The following CFAP53 variants were observed in gnomAD, a reference collection of about 807,000 sequenced individuals.
CFAP53 encodes cilia- and flagella-associated protein 53.
In CFAP53, 62 loss-of-function variants were observed where a neutral mutation model predicts 59.7. The ratio of observed to expected loss-of-function variants is 1.04; its 90% CI spans 0.85 to 1.28. The LOEUF is 1.28. Ranked by LOEUF, CFAP53 falls within the 50% of genes most tolerant of loss-of-function variation. The probability of loss-of-function intolerance (pLI) is 0.00; values close to 1 mark genes in which losing one functional copy is unlikely to be tolerated. For missense variants in CFAP53, 629 were observed against 615.6 expected (o/e 1.02, Z -0.23); for synonymous variants, 218 against 205.7 (o/e 1.06, Z -0.51).
Position 50,251,664 on chromosome 18 carries a change from C to T in CFAP53, c.594G>A (p.Glu198=). ...EELSRQKLVE[E]QMFSKLWEED... ...CCTCCCAGAGTTTGGAGAACATCTG[C>T]TCTTCCACCAGCTTTTGCCTGCTCA... Residue 198 remains glutamate, a synonymous_variant, in exon 4 of 8, where the codon GAG becomes GAA. Transcript: ENST00000398545. 2 of 1,614,248 alleles carry T rather than the reference C, an allele frequency of 1.2e-6. No individual in the cohort carries two copies. The highest frequency in any genetic ancestry group is 1.7e-6 in the Non-Finnish European group (2 of 1,180,044).
intron 7 of CFAP53, among the ~76,000 whole-genome samples, chr18:50,232,652 C>T (rs1010950234): frequency 2.6e-5 from 4 of 152,216 alleles, no homozygotes; most frequent in African/African-American, 9.6e-5. Context: ...CCCCTAATGG[C>T]CTTATGCTAA....
intron 5 of CFAP53, among the ~76,000 whole-genome samples, chr18:50,243,321 G>A (rs922898126): frequency 6.6e-6 from 1 of 152,178 alleles, no homozygotes; most frequent in Non-Finnish European, 1.5e-5. Flanking sequence ...GACAAGAATG[G>A]CCATCAGTTG....
chr18:50,254,249 C>G (rs1403830420), intron 3 of CFAP53, among the ~76,000 whole-genome samples: 1 of 140,582 alleles, frequency 7.1e-6, no homozygotes, highest in Non-Finnish European at 1.6e-5. Context: ...AAAAAAAAGG[C>G]AAAAACTTAG....
intron 2 of CFAP53, among the ~76,000 whole-genome samples, chr18:50,261,656 T>C (rs550589168): frequency 6.6e-6 from 1 of 152,244 alleles, no homozygotes; most frequent in South Asian, 2.1e-4. Context: ...CCTCCCAAAG[T>C]GGTAGGATTA....
intron 6 of CFAP53, among the ~76,000 whole-genome samples, chr18:50,242,112 T>A (rs537622792): frequency 6.6e-6 from 1 of 152,368 alleles, no homozygotes; most frequent in Non-Finnish European, 1.5e-5. Flanking sequence ...ATGGCTCTAT[T>A]CTGCCCGACC....
At chr18:50,263,943 C>T (rs1391532477) in intron 1 of CFAP53, among the ~76,000 whole-genome samples, 2 of 152,082 alleles carry the variant, frequency 1.3e-5, no homozygotes, top group East Asian at 3.8e-4. Context: ...CTGGAGTTCT[C>T]AAAAAAGGTG....
chr18:50,261,295 C>T (rs1439897833), intron 2 of CFAP53, 58 bp from the exon 3 acceptor site: 13 of 1,415,560 alleles, frequency 9.2e-6, no homozygotes, highest in East Asian at 2.6e-5. Context: ...CTACATGCAT[C>T]GTTATATTCA....
intron 1 of CFAP53, among the ~76,000 whole-genome samples, chr18:50,265,159 G>A (rs1233988341): frequency 6.6e-6 from 1 of 152,040 alleles, no homozygotes; most frequent in African/African-American, 2.4e-5. Flanking sequence ...TGGATTACAA[G>A]TTGAGCACCC....
chr18:50,254,472 CAAT>C lies in CFAP53; in HGVS notation c.474-2691_474-2689del, dbSNP rs558008836. Among the ~76,000 whole-genome samples the C allele has an allele frequency of 2.6e-5, 4 of 152,240 alleles. No individual in the cohort carries two copies. In the South Asian group the frequency reaches 8.3e-4, roughly 32 times the overall value. ...AAAATAAAAACAAAACAAAACAAAA[CAAT>C]AACGCCACTACCAAAAGGACCAGGA... On this transcript the variant is annotated intron_variant, in intron 3 of 7. Coordinates refer to ENST00000398545, the MANE Select transcript of CFAP53 (RefSeq NM_145020.5).
At chr18:50,243,945 C>T (rs1215101573) in intron 5 of CFAP53, among the ~76,000 whole-genome samples, 1 of 151,124 alleles carries the variant, frequency 6.6e-6, no homozygotes, top group Non-Finnish European at 1.5e-5. Flanking sequence ...GAGCGAGACT[C>T]CGTTTCAAAA....
rs1194774376 is a variant in CFAP53 at position 50,251,777 on chromosome 18, A to G, written c.481T>C (p.Cys161Arg). ...EKLDQQFRER[C>R]EELRVELLSI... The stretch of plus-strand genomic sequence containing the variant: ...AACAATTCAACACGGAGCTCCTCAC[A>G]GCGTTCCCTGAAAGGAAAATTTTAA... The change falls in exon 4 of 8, where the codon TGT becomes CGT. Residue 161 changes from cysteine (C) to arginine (R), a missense_variant. Physicochemically the swap from Cys to Arg is radical, Grantham distance 180. Coordinates refer to ENST00000398545, the MANE Select transcript of CFAP53 (RefSeq NM_145020.5). 1.2e-6 allele frequency: 2 copies of G among 1,611,774 alleles called. No homozygotes were observed. The highest frequency in any genetic ancestry group is 1.7e-6 in the Non-Finnish European group (2 of 1,178,758).
chr18:50,263,613 C>T (rs1290871375), intron 1 of CFAP53, among the ~76,000 whole-genome samples: 1 of 152,114 alleles, frequency 6.6e-6, no homozygotes, highest in East Asian at 1.9e-4. Flanking sequence ...TGACTGTTCT[C>T]CAATACAGTT....
intron 5 of CFAP53, among the ~76,000 whole-genome samples, chr18:50,245,388 CAAA>C (rs57613061): frequency 6.8e-4 from 64 of 94,008 alleles, no homozygotes; most frequent in South Asian, 1.5e-3. Context: ...GACTCCGTCT[CAAA>C]AAAAAAAAAA....
Position 50,250,953 on chromosome 18 carries a change from T to C in CFAP53, c.801A>G (p.Lys267=), listed in dbSNP as rs750332513. The C allele has an allele frequency of 5.6e-6, 9 of 1,614,154 alleles. 1 individual carries two copies. The South Asian group carries it at 8.8e-5, about 16-fold the overall frequency. ...RLVESNNAQI[K]HENEQDMLKK... ...TTAGCATATCCTGTTCATTCTCATG[T>C]TTAATCTGTGCGTTGTTACTTTCCT... Residue 267 remains lysine (K), a synonymous_variant, in exon 5 of 8, where the codon AAA becomes AAG. Coordinates refer to ENST00000398545, the MANE Select transcript of CFAP53 (RefSeq NM_145020.5).
At chr18:50,227,731 G>A (rs1162718333) in intron 7 of CFAP53, 122 bp from the exon 8 acceptor site, 10 of 731,626 alleles carry the variant, frequency 1.4e-5, no homozygotes, top group Middle Eastern at 3.1e-4. Context: ...ATCAGGGTGA[G>A]TGGAGAAGAA....
At chr18:50,247,604 A>G (rs1041965035) in intron 5 of CFAP53, among the ~76,000 whole-genome samples, 1 of 152,276 alleles carries the variant, frequency 6.6e-6, no homozygotes, top group East Asian at 1.9e-4. Flanking sequence ...TGGCATATCC[A>G]TACAATGGAA....
chr18:50,233,147 G>A (rs1157330285), intron 7 of CFAP53, among the ~76,000 whole-genome samples: 1 of 151,978 alleles, frequency 6.6e-6, no homozygotes, highest in African/African-American at 2.4e-5. Flanking sequence ...CTAAGGTCCT[G>A]GTGCTGAGAT....
intron 3 of CFAP53, among the ~76,000 whole-genome samples, chr18:50,257,894 G>A (rs1421865326): frequency 1.1e-4 from 16 of 152,072 alleles, no homozygotes; most frequent in Admixed American, 9.8e-4. Context: ...GCTGAGGGTG[G>A]CAGTACACAC....
chr18:50,239,486 A>G (rs973647965), intron 6 of CFAP53, among the ~76,000 whole-genome samples: 4 of 152,374 alleles, frequency 2.6e-5, no homozygotes, highest in Non-Finnish European at 4.4e-5. Flanking sequence ...TCTGAAATGT[A>G]TATATCTTTG....
Sources: allele counts gnomAD v4.1 joint callset (sites outside exome capture counted in the v4.1 genomes callset), GRCh38; gene constraint gnomAD v4.1.1; transcripts MANE v1.5; gene names NCBI Gene and HGNC (gene_info 2026-07-23, HGNC 2026-07-21).